CLPTM1: variants seen among roughly 807,000 people sequenced by gnomAD.
CLPTM1 encodes the protein CLPTM1 regulator of GABA type A receptor forward trafficking, also known as putative lipid scramblase CLPTM1.
In CLPTM1, 21 loss-of-function variants were observed where a neutral mutation model predicts 77.3. The observed-to-expected ratio is 0.27, with a 90% CI of 0.19 to 0.39. The LOEUF (loss-of-function observed/expected upper bound fraction) is 0.39. Ranked by LOEUF, CLPTM1 falls within the 10% of genes least tolerant of loss-of-function variation. The pLI is 1.00. For synonymous variants in CLPTM1, 373 were observed against 381.0 expected, an observed-to-expected ratio of 0.98 and a Z score of 0.24; for missense variants, 642 against 921.2, an observed-to-expected ratio of 0.70 and a Z score of 3.92.
intron 8 of CLPTM1, chr19:44,987,843 T>G (rs1971006082): frequency 1.7e-6 from 1 of 585,644 alleles, no homozygotes; most frequent in African/African-American, 1.9e-5. Flanking sequence ...CTTCACCCAC[T>G]CCCCGCAGCA....
intron 5 of CLPTM1, 92 bp downstream of exon 5, chr19:44,977,552 A>G (rs989654599): frequency 1.7e-5 from 17 of 976,262 alleles, no homozygotes; most frequent in Non-Finnish European, 2.2e-5. Flanking sequence ...TCCCAAGTCC[A>G]GGAGGGCAGG....
At chr19:44,988,292 A>C in intron 9 of CLPTM1, 119 bp downstream of exon 9, 3 of 763,356 alleles carry the variant, frequency 3.9e-6, no homozygotes, top group South Asian at 1.5e-5. Context: ...TCTCAGCCCC[A>C]CTCTCCAGAG....
chr19:44,986,071 G>C (rs182164853), intron 6 of CLPTM1, among the ~76,000 whole-genome samples: 1 of 152,190 alleles, frequency 6.6e-6, no homozygotes, highest in East Asian at 1.9e-4. Flanking sequence ...AGGGTTGTCA[G>C]GGGAGATGGC....
chr19:44,993,170 G>A lies in CLPTM1; in HGVS notation c.*273G>A, dbSNP rs898556942. On this transcript the variant is annotated 3_prime_UTR_variant, in exon 14 of 14. Transcript: ENST00000337392. The stretch of plus-strand genomic sequence containing the variant: ...TGGGAATCATGGTGAAGCTGATGCA[G>A]CGTTGCCGAGGGGGTGGGTTGGGCG... 1 of 578,642 alleles carries A rather than the reference G, an allele frequency of 1.7e-6. No individual in the cohort carries two copies. Among genetic ancestry groups the A allele is most frequent in the African/African-American group, 1.9e-5 (1 of 53,390 alleles). The allele number at this position is 578,642 out of a possible 1,614,324, so 35.8% of individuals were successfully genotyped here. A position where few individuals can be genotyped will look rare whatever the true frequency, so the allele number is the denominator to read the frequency against.
chr19:44,961,940 A>C (rs749472854), intron 1 of CLPTM1, 23 bp from the exon 2 acceptor site: 1 of 1,539,772 alleles, frequency 6.5e-7, no homozygotes, highest in Non-Finnish European at 8.8e-7. Flanking sequence ...CTCCCTCCTT[A>C]CCCTGGCCTC....
Position 44,991,193 on chromosome 19 carries a change from C to G in CLPTM1, c.1420-45C>G. ...GAGGGCGGGGAGCAGGGCTGCCAGG[C>G]AGGGCTGAGGAGCTGGCTGACAGCC... On this transcript the variant is annotated intron_variant, in intron 11 of 13. Coordinates refer to ENST00000337392, the MANE Select transcript of CLPTM1 (RefSeq NM_001294.4). The surrounding 1 kb of genome is among the most constrained non-coding windows in gnomAD (Gnocchi z 5.4). The G allele has an allele frequency of 6.2e-7, 1 of 1,609,676 alleles. No homozygotes were observed. Among genetic ancestry groups the G allele is most frequent in the Non-Finnish European group, 8.5e-7 (1 of 1,177,234 alleles).
chr19:44,959,905 G>A (rs915737167), intron 1 of CLPTM1, among the ~76,000 whole-genome samples: 3 of 152,058 alleles, frequency 2.0e-5, no homozygotes, highest in Non-Finnish European at 4.4e-5. Flanking sequence ...TTGCCTTTCC[G>A]TGGGAAGGTT....
intron 5 of CLPTM1, among the ~76,000 whole-genome samples, chr19:44,981,706 A>C (rs1447830753): frequency 6.6e-6 from 1 of 151,928 alleles, no homozygotes; most frequent in Non-Finnish European, 1.5e-5. Context: ...TGAGCCTAGG[A>C]GTTCGAGACC....
chr19:44,968,089 C>T (rs1238392862), intron 2 of CLPTM1, among the ~76,000 whole-genome samples: 1 of 152,176 alleles, frequency 6.6e-6, no homozygotes, highest in Non-Finnish European at 1.5e-5. Flanking sequence ...AATCTTTCCA[C>T]GTCAGTGCAT....
rs553246079 is a variant in CLPTM1, at chr19:44,989,648, G to A, written c.1133-747G>A. ...AATTCACAGCCCTCACTCCCTGAGT[G>A]CAGAGCTGGCCCTGACTCTGCAGGA... On this transcript the variant is annotated intron_variant, in intron 9 of 13. Transcript: ENST00000337392. Among the ~76,000 whole-genome samples the A allele has an allele frequency of 1.6e-4, 24 of 152,274 alleles. No individual in the cohort carries two copies. In the South Asian group the frequency reaches 1.9e-3, roughly 12 times the overall value.
chr19:44,968,234 G>T (rs2122261135), intron 2 of CLPTM1, among the ~76,000 whole-genome samples: 1 of 152,230 alleles, frequency 6.6e-6, no homozygotes, highest in Non-Finnish European at 1.5e-5. Flanking sequence ...TCTTAAAATG[G>T]GATCCAGGGT....
At chr19:44,987,706 C>T in intron 8 of CLPTM1, 1 of 552,182 alleles carries the variant, frequency 1.8e-6, no homozygotes, top group Non-Finnish European at 3.3e-6. Flanking sequence ...CTGGCCCTGG[C>T]TCCAACTCTG....
At chr19:44,957,473 CAG>C (rs1351098808) in intron 1 of CLPTM1, among the ~76,000 whole-genome samples, 2 of 152,236 alleles carry the variant, frequency 1.3e-5, no homozygotes, top group Admixed American at 1.3e-4. Context: ...GATCTTGAAA[CAG>C]AGGCTGGGCT....
Position 44,992,360 on chromosome 19 carries a change from C to T in CLPTM1, c.1683C>T (p.Ile561=). ...TCGACGACCTGTTCGCCTTTGTCAT[C>T]AAGATGCCCGTTATGTACCGGATCG... is the stretch of plus-strand genomic sequence containing the variant. ...TFIDDLFAFV[I]KMPVMYRIGC... Residue 561 remains isoleucine (I), a synonymous_variant, in exon 13 of 14, where the codon ATC becomes ATT. Transcript: ENST00000337392. This position sits in a 1 kb window ranked among gnomAD's most constrained non-coding sequence, Gnocchi z 7.7. The T allele has an allele frequency of 6.2e-7, 1 of 1,614,164 alleles. No individual in the cohort carries two copies. The highest frequency in any genetic ancestry group is 8.5e-7 in the Non-Finnish European group (1 of 1,180,000).
intron 2 of CLPTM1, among the ~76,000 whole-genome samples, chr19:44,963,024 C>CA (rs1161933714): frequency 7.0e-5 from 10 of 143,862 alleles, no homozygotes; most frequent in Non-Finnish European, 3.0e-5. Flanking sequence ...GACTCCGTCT[C>CA]AAAAAAAATA....
At chr19:44,965,359 G>A (rs948876751) in intron 2 of CLPTM1, among the ~76,000 whole-genome samples, 10 of 151,814 alleles carry the variant, frequency 6.6e-5, no homozygotes, top group African/African-American at 2.4e-4. Context: ...TTAGCTGGGT[G>A]TGGTGGCACA....
intron 8 of CLPTM1, 46 bp from the exon 9 acceptor site, chr19:44,988,034 G>A (rs762559267): frequency 1.4e-6 from 2 of 1,409,780 alleles, no homozygotes; most frequent in Non-Finnish European, 2.0e-6. Context: ...GCTAGTGAAG[G>A]TGCTCCTGGG....
rs3786505 is a variant in CLPTM1, at chr19:44,987,312, A to G, written c.927A>G (p.Pro309=). 0.34 allele frequency: 548,131 copies of G among 1,614,028 alleles called. 95,748 individuals carry two copies. The highest frequency in any genetic ancestry group is 0.47 in the African/African-American group (35,622 of 74,998). ...ASLPLRVSFC[P]LSLWRWQLYA... is the part of the protein sequence containing the mutation. ...TGCCGCTCCGCGTCTCCTTCTGCCC[A>G]CTCTCGCTTTGGCGCTGGCAGCTCT... The change falls in exon 8 of 14, where the codon CCA becomes CCG. Residue 309 remains proline (P), a synonymous_variant. Transcript: ENST00000337392.
upstream of CLPTM1, chr19:44,955,198 C>A: frequency 6.5e-6 from 10 of 1,532,592 alleles, no homozygotes; most frequent in Non-Finnish European, 8.7e-6. Context: ...AACAAACGGG[C>A]TGGGAGAAAG....
Sources: allele counts gnomAD v4.1 joint callset (sites outside exome capture counted in the v4.1 genomes callset), GRCh38; gene constraint gnomAD v4.1.1; non-coding constraint Gnocchi (gnomAD v3.1); transcripts MANE v1.5; gene names NCBI Gene and HGNC (gene_info 2026-07-23, HGNC 2026-07-21).